LPP: variants seen among roughly 807,000 people sequenced by gnomAD.
The protein encoded by LPP is lipoma-preferred partner.
A neutral mutation model predicts 60.4 loss-of-function variants in LPP; 38 were observed. The ratio of observed to expected loss-of-function variants is 0.63; its 90% confidence interval spans 0.49 to 0.83. The LOEUF is 0.83. Ranked by LOEUF, LPP falls within the 40% of genes least tolerant of loss-of-function variation. The pLI is 0.00. For synonymous variants in LPP, 328 were observed against 290.8 expected (o/e 1.13, Z -1.30); for missense variants, 902 against 783.6 (o/e 1.15, Z -1.80).
chr3:188,456,941 A>C (rs1392086659), intron 4 of LPP, among the ~76,000 whole-genome samples: 1 of 152,186 alleles, frequency 6.6e-6, no homozygotes, highest in Non-Finnish European at 1.5e-5. Context: ...TCCTTGTAGA[A>C]GTTAGGTGGC....
intron 2 of LPP, among the ~76,000 whole-genome samples, chr3:188,230,800 T>C (rs1209969063): frequency 6.6e-6 from 1 of 151,336 alleles, no homozygotes; most frequent in Non-Finnish European, 1.5e-5. Flanking sequence ...AAAAAAAGCA[T>C]TGATTAATAT....
rs1391640465 is a variant in LPP at position 188,638,753 on chromosome 3, C to T, written c.1113+28909C>T. Among the ~76,000 whole-genome samples the T allele has an allele frequency of 4.4e-5, 6 of 137,510 alleles. No individual in the cohort carries two copies. In the East Asian group the frequency reaches 1.0e-3, roughly 24 times the overall value. 90.2% of individuals were successfully genotyped at this position (137,510 alleles called of 152,430 possible). On this transcript the variant is annotated intron_variant, in intron 7 of 11. Transcript: ENST00000617246. ...AACAGAGAGCCAAATCATGAGTGAA[C>T]TCCCATTCACAATTGCTTCAAAGAG...
At chr3:188,290,265 C>G (rs1415301466) in intron 2 of LPP, among the ~76,000 whole-genome samples, 1 of 152,156 alleles carries the variant, frequency 6.6e-6, no homozygotes, top group Non-Finnish European at 1.5e-5. Flanking sequence ...CGTGAGCCAC[C>G]ATGCCCGGTT....
At chr3:188,453,307 T>C (rs1429769703) in intron 4 of LPP, among the ~76,000 whole-genome samples, 1 of 152,136 alleles carries the variant, frequency 6.6e-6, no homozygotes, top group South Asian at 2.1e-4. Context: ...AGGACTGGGC[T>C]TTTTTGTTTG....
At chr3:188,656,051 G>A (rs147199587) in intron 7 of LPP, among the ~76,000 whole-genome samples, 3,498 of 151,950 alleles carry the variant, frequency 0.023, 51 homozygotes, top group Non-Finnish European at 0.031. Flanking sequence ...AAATAGCCAG[G>A]CATGGTGGTG....
chr3:188,182,781 A>ATACATATATGTACATATATATGCGCAT lies in LPP; in HGVS notation c.-190+28529_-190+28530insTACATATATGTACATATATATGCGCAT, dbSNP rs5855182. 6.6e-5 allele frequency among the ~76,000 whole-genome samples: 4 copies of ATACATATATGTACATATATATGCGCAT among 60,220 alleles called. No homozygotes were observed. Among genetic ancestry groups the ATACATATATGTACATATATATGCGCAT allele is most frequent in the Non-Finnish European group, 1.4e-4 (3 of 21,584 alleles). The allele number at this position is 60,220 out of a possible 152,430, so 39.5% of individuals were successfully genotyped here. On this transcript the variant is annotated intron_variant, in intron 1 of 11. Coordinates refer to ENST00000617246, the MANE Select transcript of LPP (RefSeq NM_001375462.1). The surrounding 1 kb of genome is among the most constrained non-coding windows in gnomAD (Gnocchi z 4.4). ...ACATATATTATATATGTGCATATATAATATATGTACATATACAATATATGC... is the reference window on the plus strand; with the variant it reads ...ACATATATTATATATGTGCATATATATACATATATGTACATATATATGCGCATATATATGTACATATACAATATATGC...
At position 188,881,649 on chromosome 3, in the gene LPP, CA is replaced by C; in HGVS notation, c.*7174del. 1 of 224,134 alleles carries C rather than the reference CA, an allele frequency of 4.5e-6. No individual in the cohort carries two copies. The highest frequency in any genetic ancestry group is 8.9e-6 in the Non-Finnish European group (1 of 112,158). The allele number at this position is 224,134 out of a possible 1,614,324, so 13.9% of individuals were successfully genotyped here. A position where few individuals can be genotyped will look rare whatever the true frequency, so the allele number is the denominator to read the frequency against. On this transcript the variant is annotated 3_prime_UTR_variant, in exon 12 of 12. Coordinates refer to ENST00000617246, the MANE Select transcript of LPP (RefSeq NM_001375462.1). ...TGTTCTGTACTATTTTGGATGTTGC[CA>C]AAATCAAATTCATCCTGAAAACAGG...
chr3:188,523,590 G>A (rs549535896), intron 5 of LPP, among the ~76,000 whole-genome samples: 3 of 152,272 alleles, frequency 2.0e-5, no homozygotes, highest in Non-Finnish European at 2.9e-5. Context: ...GTCATGGCAC[G>A]CTACTTGTTG....
At chr3:188,648,577 C>A (rs62289971) in intron 7 of LPP, among the ~76,000 whole-genome samples, 2 of 152,164 alleles carry the variant, frequency 1.3e-5, no homozygotes, top group Non-Finnish European at 2.9e-5. Context: ...TGTCTTCTGT[C>A]CTGTTTGTCT....
intron 1 of LPP, among the ~76,000 whole-genome samples, chr3:188,173,468 T>C (rs927344599): frequency 6.6e-6 from 1 of 151,824 alleles, no homozygotes; most frequent in Non-Finnish European, 1.5e-5. Flanking sequence ...TGTGCCATTG[T>C]ACTCCAGCCT....
At chr3:188,422,159 A>G (rs1787978755) in intron 4 of LPP, among the ~76,000 whole-genome samples, 1 of 152,094 alleles carries the variant, frequency 6.6e-6, no homozygotes, top group Non-Finnish European at 1.5e-5. Context: ...GTCTCTGAAG[A>G]GTAGAGGTGG....
At chr3:188,854,081 C>T (rs1763270378) in intron 9 of LPP, among the ~76,000 whole-genome samples, 1 of 152,174 alleles carries the variant, frequency 6.6e-6, no homozygotes, top group African/African-American at 2.4e-5. Flanking sequence ...GACTGCTAAA[C>T]TGTGAAAGAA....
At chr3:188,435,333 T>C (rs974024319) in intron 4 of LPP, among the ~76,000 whole-genome samples, 15 of 152,198 alleles carry the variant, frequency 9.9e-5, no homozygotes, top group African/African-American at 3.6e-4. Flanking sequence ...CCACTAAATA[T>C]TCCTATTATT....
chr3:188,563,728 G>GT (rs5855207), intron 6 of LPP, among the ~76,000 whole-genome samples: 59,779 of 145,010 alleles, frequency 0.41, 13,202 homozygotes, highest in East Asian at 0.91. Context: ...GTTTTTTTTT[G>GT]TTTTTTTTTT....
Position 188,880,638 on chromosome 3 carries a change from C to A in LPP, c.*6159C>A, listed in dbSNP as rs967616021. ...CCATCCACTTAAGGGCCAGAGAAAT[C>A]CTTATTCATTTAACTCTGGTGGGCA... On this transcript the variant is annotated 3_prime_UTR_variant, in exon 12 of 12. Coordinates refer to ENST00000617246, the MANE Select transcript of LPP (RefSeq NM_001375462.1). The A allele has an allele frequency of 2.1e-5, 4 of 187,932 alleles. No individual in the cohort carries two copies. Among genetic ancestry groups the A allele is most frequent in the African/African-American group, 7.0e-5 (3 of 42,768 alleles). 11.6% of individuals were successfully genotyped at this position (187,932 alleles called of 1,614,324 possible).
At chr3:188,598,916 A>AC in intron 6 of LPP, among the ~76,000 whole-genome samples, 1 of 152,146 alleles carries the variant, frequency 6.6e-6, no homozygotes, top group Non-Finnish European at 1.5e-5. Flanking sequence ...GGTTGAACTC[A>AC]CAGTATTTTT....
intron 7 of LPP, among the ~76,000 whole-genome samples, chr3:188,645,747 A>G (rs1412343342): frequency 2.0e-5 from 3 of 151,908 alleles, no homozygotes; most frequent in African/African-American, 7.3e-5. Context: ...AAATTTTTAT[A>G]TACTTCTTTT....
chr3:188,406,439 A>G (rs1246105002), intron 4 of LPP, 126 bp downstream of exon 4: 21 of 871,726 alleles, frequency 2.4e-5, no homozygotes, highest in Non-Finnish European at 3.5e-5. Flanking sequence ...GTCATAGGCT[A>G]CTAAAAGTAA....
intron 2 of LPP, among the ~76,000 whole-genome samples, chr3:188,244,031 C>T (rs757021028): frequency 1.6e-4 from 25 of 152,184 alleles, no homozygotes; most frequent in African/African-American, 2.2e-4. Context: ...TCACCACGCC[C>T]GGCTAATTTT....
Sources: gnomAD v4.1 joint callset for allele counts (sites outside exome capture counted in the v4.1 genomes callset) on GRCh38, gnomAD v4.1.1 for gene constraint, Gnocchi (gnomAD v3.1) non-coding constraint, MANE v1.5 for transcripts, NCBI Gene and HGNC (gene_info 2026-07-23, HGNC 2026-07-21) for gene names.